TIAM1: variants seen among roughly 807,000 people sequenced by gnomAD.
TIAM1 encodes the protein rho guanine nucleotide exchange factor TIAM1.
Under a neutral mutation model 163.5 loss-of-function variants are expected in TIAM1, and 65 were observed. The observed-to-expected ratio is 0.40, with a 90% CI of 0.33 to 0.49. The LOEUF (loss-of-function observed/expected upper bound fraction) is 0.49. Among genes scored for constraint, TIAM1 ranks in the 20% least tolerant of loss-of-function variants. The pLI is 0.77. For synonymous variants in TIAM1, 833 were observed against 810.1 expected (o/e 1.03, Z -0.48); for missense variants, 1,789 against 2,044.7 (o/e 0.87, Z 2.41).
In TIAM1 at chr21:31,204,541, AAACT is replaced by A. The variant is rs780639975; in HGVS notation, c.2389-1533_2389-1530del. On this transcript the variant is annotated intron_variant, in intron 11 of 27. Transcript: ENST00000541036. ...CCCTCAAAATAATATTTTTAAAGCC[AAACT>A]AACAGCATTCCAATAACCATTCCAG... 5.1e-4 allele frequency among the ~76,000 whole-genome samples: 78 copies of A among 152,344 alleles called. 1 individual carries two copies. In the South Asian group the frequency reaches 6.6e-3, roughly 13 times the overall value.
chr21:31,537,662 G>A (rs2048182969), intron 1 of TIAM1, among the ~76,000 whole-genome samples: 1 of 151,712 alleles, frequency 6.6e-6, no homozygotes, highest in Admixed American at 6.6e-5. Context: ...TGAGACACAA[G>A]AATTGCTCGA....
chr21:31,169,791 T>C (rs1169918038), intron 15 of TIAM1, among the ~76,000 whole-genome samples: 1 of 151,928 alleles, frequency 6.6e-6, no homozygotes, highest in Non-Finnish European at 1.5e-5. Context: ...ATACAAACTG[T>C]AACTAAAACA....
chr21:31,279,524 G>A (rs1304442829), intron 2 of TIAM1, among the ~76,000 whole-genome samples: 3 of 152,166 alleles, frequency 2.0e-5, no homozygotes, highest in East Asian at 1.9e-4. Context: ...GCTGGGAGTC[G>A]GGCTGCACGC....
intron 2 of TIAM1, among the ~76,000 whole-genome samples, chr21:31,324,283 G>C (rs1235879807): frequency 1.3e-5 from 2 of 151,730 alleles, no homozygotes; most frequent in African/African-American, 4.8e-5. Flanking sequence ...AACCTGGGAG[G>C]CGGAGGTTGC....
intron 2 of TIAM1, among the ~76,000 whole-genome samples, chr21:31,307,686 A>T (rs1451565297): frequency 6.6e-6 from 1 of 152,082 alleles, no homozygotes; most frequent in Non-Finnish European, 1.5e-5. Flanking sequence ...TTCTGTCTTC[A>T]AGGAGCTCAA....
chr21:31,409,086 G>A (rs559931837), intron 2 of TIAM1, among the ~76,000 whole-genome samples: 4 of 151,402 alleles, frequency 2.6e-5, no homozygotes, highest in African/African-American at 9.7e-5. Context: ...TCCCCTAAAT[G>A]GCAGCAACTC....
At chr21:31,449,627 C>T (rs1602306217) in intron 2 of TIAM1, among the ~76,000 whole-genome samples, 1 of 152,148 alleles carries the variant, frequency 6.6e-6, no homozygotes, top group South Asian at 2.1e-4. Context: ...ATCTGCCCGC[C>T]TCGGCCTCCC....
chr21:31,369,143 G>A (rs1320528771), intron 2 of TIAM1, among the ~76,000 whole-genome samples: 1 of 150,150 alleles, frequency 6.7e-6, no homozygotes, highest in Non-Finnish European at 1.5e-5. Context: ...GGAGAACAGC[G>A]TGAACCCGGG....
chr21:31,367,640 A>G (rs1272961233), intron 2 of TIAM1, among the ~76,000 whole-genome samples: 1 of 152,182 alleles, frequency 6.6e-6, no homozygotes, highest in East Asian at 1.9e-4. Flanking sequence ...CATGCATTCT[A>G]TCTGAGACCA....
intron 1 of TIAM1, among the ~76,000 whole-genome samples, chr21:31,555,508 C>G (rs1316834161): frequency 6.6e-6 from 1 of 152,104 alleles, no homozygotes; most frequent in Non-Finnish European, 1.5e-5. Flanking sequence ...GAGGCTCTTT[C>G]TTAACCACGA....
intron 5 of TIAM1, among the ~76,000 whole-genome samples, chr21:31,248,013 G>A (rs2071597237): frequency 6.6e-6 from 1 of 152,128 alleles, no homozygotes; most frequent in Non-Finnish European, 1.5e-5. Flanking sequence ...GGGGGAAGGT[G>A]CTATTGGCAT....
At chr21:31,127,251 T>G in intron 25 of TIAM1, 99 bp from the exon 26 acceptor site, 2 of 1,008,002 alleles carry the variant, frequency 2.0e-6, no homozygotes, top group Non-Finnish European at 3.1e-6. Flanking sequence ...GGATTAATAA[T>G]GCAGAACACT....
In TIAM1 at chr21:31,373,807, G is replaced by T. The variant is rs2076639635; in HGVS notation, c.-368-34385C>A. On this transcript the variant is annotated intron_variant, in intron 2 of 28. Coordinates refer to the TIAM1 transcript ENST00000286827. ...CAAGAAAATGATCAAATCTAGCCAT[G>T]CGTCTACATAAATATACTTCCTTTT... Among the ~76,000 whole-genome samples the T allele has an allele frequency of 2.0e-5, 3 of 152,254 alleles. No homozygotes were observed. The South Asian group carries it at 6.2e-4, about 32-fold the overall frequency.
Position 31,454,350 on chromosome 21 carries a change from C to T in TIAM1, c.-369+9633G>A, listed in dbSNP as rs565267102. Among the ~76,000 whole-genome samples the T allele has an allele frequency of 1.5e-4, 23 of 152,284 alleles. No homozygotes were observed. In the South Asian group the frequency reaches 3.3e-3, roughly 22 times the overall value. On this transcript the variant is annotated intron_variant, in intron 2 of 28. Transcript: ENST00000286827. ...TACTGTTGTAAGATGTCCATGAGATCTCATAAGGTTAAAAATTTTAAGAGC... is the reference window on the plus strand; with the variant it reads ...TACTGTTGTAAGATGTCCATGAGATTTCATAAGGTTAAAAATTTTAAGAGC...
rs542030185 is a variant in TIAM1 at position 31,259,076 on chromosome 21, G to T, written c.964-6887C>A. Among the ~76,000 whole-genome samples the T allele has an allele frequency of 2.5e-3, 376 of 151,652 alleles. 1 individual carries two copies. The highest frequency in any genetic ancestry group is 8.8e-3 in the African/African-American group (364 of 41,324). On this transcript the variant is annotated intron_variant, in intron 4 of 27. Transcript: ENST00000541036. ...ATTACACATTGTTATGACACAATTTGAGTCAAGGGGCTCAACTTTCCTCTA... is the reference window on the plus strand; with the variant it reads ...ATTACACATTGTTATGACACAATTTTAGTCAAGGGGCTCAACTTTCCTCTA...
At chr21:31,415,811 T>C (rs1367288535) in intron 2 of TIAM1, among the ~76,000 whole-genome samples, 1 of 152,124 alleles carries the variant, frequency 6.6e-6, no homozygotes, top group Non-Finnish European at 1.5e-5. Context: ...TCTCATTCAT[T>C]TTTGGCCATG....
At chr21:31,450,450 C>A (rs989783369) in intron 2 of TIAM1, among the ~76,000 whole-genome samples, 1 of 152,164 alleles carries the variant, frequency 6.6e-6, no homozygotes. Flanking sequence ...ATCCGAGATT[C>A]TTCAAGGCAG....
In TIAM1 at chr21:31,296,884, T is replaced by C. The variant is rs149549192; in HGVS notation, c.-188-19976A>G. Among the ~76,000 whole-genome samples, 933 of 152,254 alleles carry C rather than the reference T, an allele frequency of 6.1e-3. 10 individuals are homozygous for C. The highest frequency in any genetic ancestry group is 0.02 in the African/African-American group (849 of 41,562). On this transcript the variant is annotated intron_variant, in intron 2 of 27. Coordinates refer to ENST00000541036, the MANE Select transcript of TIAM1 (RefSeq NM_001353694.2). Reference sequence around the variant, plus strand: ...TTCATCGTGTTAGCCAGGATGGTCTTGATTTCCTGACCTCATAATCCGCCC... The same window carrying C: ...TTCATCGTGTTAGCCAGGATGGTCTCGATTTCCTGACCTCATAATCCGCCC...
intron 1 of TIAM1, among the ~76,000 whole-genome samples, chr21:31,551,371 T>C (rs2048680881): frequency 1.3e-5 from 2 of 149,078 alleles, no homozygotes; most frequent in Non-Finnish European, 1.5e-5. Context: ...GATCATGCCA[T>C]TGCACTCCAG....
Sources: gnomAD v4.1 joint callset for allele counts (sites outside exome capture counted in the v4.1 genomes callset) on GRCh38, gnomAD v4.1.1 for gene constraint, MANE v1.5 for transcripts, NCBI Gene and HGNC (gene_info 2026-07-23, HGNC 2026-07-21) for gene names.